FIBCD1: variants seen among roughly 807,000 people sequenced by gnomAD.
FIBCD1 encodes fibrinogen C domain containing 1, also known as fibrinogen C domain-containing protein 1.
Under a neutral mutation model 45.1 loss-of-function variants are expected in FIBCD1, and 47 were observed. That is an observed-to-expected ratio of 1.04 (90% CI 0.82 to 1.33). The LOEUF (loss-of-function observed/expected upper bound fraction) is 1.33, where lower values mean the gene tolerates loss of function less well. Ranked by LOEUF, FIBCD1 falls within the 40% of genes most tolerant of loss-of-function variation. The pLI is 0.00. For missense variants in FIBCD1, 653 were observed against 682.2 expected, an observed-to-expected ratio of 0.96 and a Z score of 0.48; for synonymous variants, 313 against 308.1, an observed-to-expected ratio of 1.02 and a Z score of -0.17.
intron 5 of FIBCD1, among the ~76,000 whole-genome samples, chr9:130,906,849 G>A (rs559033802): frequency 1.3e-5 from 2 of 152,312 alleles, no homozygotes; most frequent in East Asian, 1.9e-4. Flanking sequence ...ATCCCTGGGC[G>A]GCTCTTCTGG....
intron 4 of FIBCD1, among the ~76,000 whole-genome samples, chr9:130,915,539 C>G (rs1252158029): frequency 1.3e-5 from 2 of 152,128 alleles, no homozygotes; most frequent in Admixed American, 1.3e-4. Flanking sequence ...CCCGTCTCTA[C>G]TAAAAATACA....
At chr9:130,924,594 G>C (rs552002528) in intron 2 of FIBCD1, among the ~76,000 whole-genome samples, 198 bp from the exon 3 acceptor site, 1 of 152,342 alleles carries the variant, frequency 6.6e-6, no homozygotes, top group South Asian at 2.1e-4. Context: ...TGGAGCCTGT[G>C]CTCTGGGGCC....
intron 5 of FIBCD1, among the ~76,000 whole-genome samples, chr9:130,907,916 G>T (rs200273923): frequency 1.8e-5 from 2 of 109,926 alleles, no homozygotes; most frequent in African/African-American, 3.5e-5. Context: ...AAAAAAAAAA[G>T]AAAGAAAAGA....
chr9:130,924,243 C>T lies in FIBCD1; in HGVS notation c.706G>A (p.Ala236Thr). 1 of 1,591,966 alleles carries T rather than the reference C, an allele frequency of 6.3e-7. No individual in the cohort carries two copies. The highest frequency in any genetic ancestry group is 8.5e-7 in the Non-Finnish European group (1 of 1,170,916). ...CAGGCCCTGCCCCACTCACCAGTGGCACAGCCCCGGGGCCGGGTTCCCCGG... is the reference window on the plus strand; with the variant it reads ...CAGGCCCTGCCCCACTCACCAGTGGTACAGCCCCGGGGCCGGGTTCCCCGG... Reference protein sequence around the residue: ...PARGTRPRGCATGSRPRDCLD... With the variant: ...PARGTRPRGCTTGSRPRDCLD... The change falls in exon 3 of 7, where the codon GCC becomes ACC. Residue 236 changes from alanine (A) to threonine (T), a missense_variant. Ala to Thr is a moderately conservative substitution (Grantham distance 58). Coordinates refer to ENST00000372338, the MANE Select transcript of FIBCD1 (RefSeq NM_032843.5).
Position 130,929,761 on chromosome 9 carries a change from T to A in FIBCD1, c.358A>T (p.Thr120Ser), listed in dbSNP as rs1406890222. The A allele has an allele frequency of 6.4e-7, 1 of 1,562,810 alleles. No homozygotes were observed. The highest frequency in any genetic ancestry group is 8.7e-7 in the Non-Finnish European group (1 of 1,153,804). Residue 120 changes from threonine (T) to serine (S), a missense_variant, in exon 2 of 7, where the codon ACA (threonine) becomes TCA (serine). Physicochemically the swap from Thr to Ser is moderately conservative, Grantham distance 58. Coordinates refer to ENST00000372338, the MANE Select transcript of FIBCD1 (RefSeq NM_032843.5). ...AGCCGTGGCTGGGCCTGGTGCTCTGTCAGCGCCTGCAGCACCGAGGCCTGG... is the reference window on the plus strand; with the variant it reads ...AGCCGTGGCTGGGCCTGGTGCTCTGACAGCGCCTGCAGCACCGAGGCCTGG... ...SAQASVLQAL[T>S]EHQAQPRLVG...
In FIBCD1 at chr9:130,939,148, T is replaced by G. The variant is rs1832572885; in HGVS notation, c.-541A>C. Reference sequence around the variant, plus strand: ...CGCGGGCGGCCCGGCTCCTGCTGGCTCCCGGAGGGGCCTGAGAGCCCCCCG... The same window carrying G: ...CGCGGGCGGCCCGGCTCCTGCTGGCGCCCGGAGGGGCCTGAGAGCCCCCCG... On this transcript the variant is annotated 5_prime_UTR_variant, in exon 1 of 7. Coordinates refer to ENST00000372338, the MANE Select transcript of FIBCD1 (RefSeq NM_032843.5). 6.6e-6 allele frequency: 1 copy of G among 151,562 alleles called. No individual in the cohort carries two copies. Among genetic ancestry groups the G allele is most frequent in the Non-Finnish European group, 1.5e-5 (1 of 67,882 alleles). 9.4% of individuals were successfully genotyped at this position (151,562 alleles called of 1,614,324 possible). A position where few individuals can be genotyped will look rare whatever the true frequency, so the allele number is the denominator to read the frequency against.
chr9:130,903,401 A>G lies in FIBCD1; in HGVS notation c.*663T>C, dbSNP rs1015284181. ...GCAGACCCCAGGCCTGCCGGGGCAC[A>G]GGGTGGGTGGCCTCCAGGGAACTGG... On this transcript the variant is annotated 3_prime_UTR_variant, in exon 7 of 7. Transcript: ENST00000372338. 1.4e-4 allele frequency: 22 copies of G among 157,620 alleles called. No homozygotes were observed. Among genetic ancestry groups the G allele is most frequent in the African/African-American group, 4.8e-4 (20 of 41,510 alleles). The allele number at this position is 157,620 out of a possible 1,614,324, so 9.8% of individuals were successfully genotyped here.
Position 130,922,995 on chromosome 9 carries a change from C to T in FIBCD1, c.849+749G>A, listed in dbSNP as rs7029223. On this transcript the variant is annotated intron_variant, in intron 4 of 6. Transcript: ENST00000372338. This position sits in a 1 kb window ranked among gnomAD's most constrained non-coding sequence, Gnocchi z 4.5. ...TTCTTCCGCCCCCAATGCCCCCTGG[C>T]GTGTAAATTCCTCGGGAGGACTGGG... 0.23 allele frequency among the ~76,000 whole-genome samples: 34,603 copies of T among 152,060 alleles called. 4,420 individuals are homozygous for T. The highest frequency in any genetic ancestry group is 0.53 in the East Asian group (2,760 of 5,170).
upstream of FIBCD1, among the ~76,000 whole-genome samples, chr9:130,939,504 C>A (rs921346426): frequency 6.6e-6 from 1 of 151,970 alleles, no homozygotes; most frequent in African/African-American, 2.4e-5. Context: ...CGTCCCAGTC[C>A]GCGTCCGCAG....
intron 4 of FIBCD1, among the ~76,000 whole-genome samples, chr9:130,917,293 G>C (rs1313525688): frequency 6.6e-6 from 1 of 152,228 alleles, no homozygotes; most frequent in Non-Finnish European, 1.5e-5. Flanking sequence ...TGGGAAGACA[G>C]ACAGAGAGTG....
In FIBCD1 at chr9:130,931,829, T is replaced by C. The variant is rs1832451029; in HGVS notation, c.73-1783A>G. ...GGGCCAGGCCCCTCCTATGATTGAA[T>C]TTCCTCAACTCTCAGACACATTTTC... On this transcript the variant is annotated intron_variant, in intron 1 of 6. Transcript: ENST00000372338. 2.0e-5 allele frequency among the ~76,000 whole-genome samples: 3 copies of C among 152,262 alleles called. No homozygotes were observed. In the South Asian group the frequency reaches 6.2e-4, roughly 31 times the overall value.
At chr9:130,931,337 A>G (rs758411842) in intron 1 of FIBCD1, among the ~76,000 whole-genome samples, 16 of 152,236 alleles carry the variant, frequency 1.1e-4, no homozygotes, top group South Asian at 2.1e-4. Context: ...GTGAAACCCC[A>G]TCTCTACTAA....
At chr9:130,915,458 T>G (rs2133086954) in intron 4 of FIBCD1, among the ~76,000 whole-genome samples, 1 of 152,256 alleles carries the variant, frequency 6.6e-6, no homozygotes, top group South Asian at 2.1e-4. Flanking sequence ...ACCCCAGCAC[T>G]TTGGGAGGCC....
chr9:130,935,207 G>A (rs888588953), intron 1 of FIBCD1, among the ~76,000 whole-genome samples: 4 of 152,198 alleles, frequency 2.6e-5, no homozygotes, highest in Non-Finnish European at 2.9e-5. Flanking sequence ...TTTTGAAAGC[G>A]TCAAGAGATC....
intron 1 of FIBCD1, among the ~76,000 whole-genome samples, chr9:130,931,648 G>A (rs767609227): frequency 6.6e-6 from 1 of 152,260 alleles, no homozygotes; most frequent in Non-Finnish European, 1.5e-5. Context: ...ACACGCTCTC[G>A]GAGGCCCAGA....
chr9:130,905,427 G>A lies in FIBCD1; in HGVS notation c.947-14C>T, dbSNP rs759010206. Reference sequence around the variant, plus strand: ...TCCTCTTGAGCCCTGAAGTTGGGGGGAAAATGGTGGGAGAAGCTGAGGGGC... The same window carrying A: ...TCCTCTTGAGCCCTGAAGTTGGGGGAAAAATGGTGGGAGAAGCTGAGGGGC... On this transcript the variant is annotated splice_polypyrimidine_tract_variant and intron_variant, in intron 5 of 6. Transcript: ENST00000372338. 3.7e-6 allele frequency: 6 copies of A among 1,600,326 alleles called. No homozygotes were observed. The highest frequency in any genetic ancestry group is 2.2e-5 in the East Asian group (1 of 44,558).
chr9:130,923,341 A>G (rs545291155), intron 4 of FIBCD1, among the ~76,000 whole-genome samples: 12 of 152,200 alleles, frequency 7.9e-5, no homozygotes, highest in African/African-American at 2.6e-4. Flanking sequence ...TTTCTTCTGC[A>G]CACGCGCCGT....
At chr9:130,910,221 G>A (rs1470409720) in intron 5 of FIBCD1, among the ~76,000 whole-genome samples, 2 of 138,050 alleles carry the variant, frequency 1.4e-5, no homozygotes, top group Non-Finnish European at 3.0e-5. Flanking sequence ...CAGAGCAGCC[G>A]ACCAGCCCCG....
chr9:130,905,379 AG>A lies in FIBCD1; in HGVS notation c.980del (p.Ala327ValfsTer54). On this transcript the variant is annotated frameshift_variant, in exon 6 of 7. Transcript: ENST00000372338. LOFTEE classifies it high-confidence loss of function. Reference protein sequence around the residue: ...LKRIHALTTQAAYELHVDLED... With the variant: ...LKRIHALTTQXAYELHVDLED... ...CCAGGTCCACGTGCAGCTCGTAGGC[AG>A]CCTGTGTGGTCAGGGCGTGGATCCT... 6.2e-7 allele frequency: 1 copy of A among 1,613,972 alleles called. No homozygotes were observed. The highest frequency in any genetic ancestry group is 8.5e-7 in the Non-Finnish European group (1 of 1,179,936).
Sources: gnomAD v4.1 joint callset for allele counts (sites outside exome capture counted in the v4.1 genomes callset) on GRCh38, gnomAD v4.1.1 for gene constraint, Gnocchi (gnomAD v3.1) non-coding constraint, MANE v1.5 for transcripts, NCBI Gene and HGNC (gene_info 2026-07-23, HGNC 2026-07-21) for gene names.